Variants in STXBP4 observed in about 807,000 individuals in gnomAD.
STXBP4 encodes syntaxin-binding protein 4.
A neutral mutation model predicts 76.1 loss-of-function variants in STXBP4; 55 were observed. The observed-to-expected ratio is 0.72, with a 90% CI of 0.58 to 0.91. The LOEUF (loss-of-function observed/expected upper bound fraction) is 0.91, where lower values mean the gene tolerates loss of function less well. Ranked by LOEUF, STXBP4 falls within the 40% of genes least tolerant of loss-of-function variation. The probability of loss-of-function intolerance (pLI) is 0.00; values close to 1 mark genes in which losing one functional copy is unlikely to be tolerated. For synonymous variants in STXBP4, 201 were observed against 220.2 expected (o/e 0.91, Z 0.77); for missense variants, 618 against 636.9 (o/e 0.97, Z 0.32).
intron 16 of STXBP4, among the ~76,000 whole-genome samples, chr17:55,103,501 G>A (rs987799147): frequency 1.3e-5 from 2 of 151,090 alleles, no homozygotes; most frequent in Non-Finnish European, 2.9e-5. Context: ...ATCTCTTTTG[G>A]TACCAGTATT....
At chr17:55,062,153 A>G (rs192943403) in intron 12 of STXBP4, among the ~76,000 whole-genome samples, 25 of 152,010 alleles carry the variant, frequency 1.6e-4, no homozygotes, top group Non-Finnish European at 2.8e-4. Flanking sequence ...GGTTCGTTAC[A>G]TAGGTATACA....
chr17:55,030,782 T>C (rs1027507158), intron 8 of STXBP4: 1 of 161,894 alleles, frequency 6.2e-6, no homozygotes, highest in Non-Finnish European at 1.3e-5. Context: ...ACTTCAGTTC[T>C]GCTCTCAAAG....
chr17:55,125,878 A>G (rs1480014297), intron 16 of STXBP4, among the ~76,000 whole-genome samples: 3 of 152,344 alleles, frequency 2.0e-5, no homozygotes, highest in East Asian at 3.9e-4. Flanking sequence ...CTGGAAAGGC[A>G]GAGGGGAAAT....
intron 13 of STXBP4, among the ~76,000 whole-genome samples, chr17:55,074,767 C>A (rs1476140710): frequency 1.3e-5 from 2 of 151,904 alleles, no homozygotes; most frequent in African/African-American, 4.8e-5. Context: ...TTTCTCTTAA[C>A]AAGACTCTAA....
In STXBP4 at chr17:54,990,833, C is replaced by A. The variant is rs2144405352; in HGVS notation, c.56C>A (p.Ala19Asp). 6.2e-7 allele frequency: 1 copy of A among 1,601,640 alleles called. No homozygotes were observed. Among genetic ancestry groups the A allele is most frequent in the East Asian group, 2.3e-5 (1 of 44,358 alleles). Residue 19 changes from alanine (A) to aspartate (D), a missense_variant, in exon 4 of 18, where the codon GCC becomes GAC. Ala to Asp is a moderately radical substitution (Grantham distance 126). Transcript: ENST00000376352. ...AATTTACTTTATCTTAGGGATCCTGCCTTTCAGATGATTACAATTGCCAAG... is the reference window on the plus strand; with the variant it reads ...AATTTACTTTATCTTAGGGATCCTGACTTTCAGATGATTACAATTGCCAAG... ...VSPSLLEKDP[A>D]FQMITIAKET...
chr17:55,085,009 C>T (rs1181331717), intron 16 of STXBP4, among the ~76,000 whole-genome samples: 3 of 152,168 alleles, frequency 2.0e-5, no homozygotes, highest in East Asian at 1.9e-4. Flanking sequence ...CACATACACA[C>T]CATGGAATAC....
At chr17:55,031,699 G>A (rs1446236548) in intron 9 of STXBP4, among the ~76,000 whole-genome samples, 2 of 152,072 alleles carry the variant, frequency 1.3e-5, no homozygotes, top group East Asian at 1.9e-4. Context: ...ATTGTTTCCC[G>A]GACCCCTGCA....
chr17:55,154,259 A>G (rs2080251861), intron 17 of STXBP4, among the ~76,000 whole-genome samples: 1 of 152,220 alleles, frequency 6.6e-6, no homozygotes, highest in African/African-American at 2.4e-5. Context: ...AAAGATAAAC[A>G]TCAATTCTGT....
chr17:54,976,130 T>G (rs1373099188), intron 1 of STXBP4, among the ~76,000 whole-genome samples: 2 of 152,134 alleles, frequency 1.3e-5, no homozygotes, highest in Non-Finnish European at 2.9e-5. Context: ...AGTTAAAAAT[T>G]TGGTGGATGA....
chr17:55,150,388 C>T (rs190493784), intron 17 of STXBP4, among the ~76,000 whole-genome samples: 1 of 152,280 alleles, frequency 6.6e-6, no homozygotes, highest in East Asian at 1.9e-4. Flanking sequence ...TCTCTTCTTA[C>T]AAAGACACCA....
In STXBP4 at chr17:55,014,647, C is replaced by T. The variant is rs1206145868; in HGVS notation, c.666+7050C>T. 2.0e-5 allele frequency among the ~76,000 whole-genome samples: 3 copies of T among 152,068 alleles called. No homozygotes were observed. In the East Asian group the frequency reaches 5.8e-4, roughly 29 times the overall value. On this transcript the variant is annotated intron_variant, in intron 8 of 17. Coordinates refer to ENST00000376352, the MANE Select transcript of STXBP4 (RefSeq NM_178509.6). Reference sequence around the variant, plus strand: ...GCATGGGCTGGCACTTCCCTGGGCACCTTCAGTCCTGCTGCTGGATCCATC... The same window carrying T: ...GCATGGGCTGGCACTTCCCTGGGCATCTTCAGTCCTGCTGCTGGATCCATC...
chr17:55,207,284 C>T, the STXBP4 span, among the ~76,000 whole-genome samples: 2 of 152,304 alleles, frequency 1.3e-5, no homozygotes, highest in Middle Eastern at 6.8e-3. Flanking sequence ...AAATAGTCAC[C>T]TGTCACTACA....
chr17:55,043,716 C>T (rs887035447), intron 11 of STXBP4: 4 of 1,378,164 alleles, frequency 2.9e-6, no homozygotes, highest in African/African-American at 2.9e-5. Context: ...CAGGGCTATT[C>T]TTAAGGGACA....
At chr17:55,102,008 T>C (rs1032689516) in intron 16 of STXBP4, among the ~76,000 whole-genome samples, 1 of 152,236 alleles carries the variant, frequency 6.6e-6, no homozygotes, top group Non-Finnish European at 1.5e-5. Flanking sequence ...CCTTTATCTT[T>C]TTCTTCATTT....
intron 3 of STXBP4, among the ~76,000 whole-genome samples, chr17:54,987,477 C>G (rs1458478621): frequency 6.6e-6 from 1 of 152,040 alleles, no homozygotes; most frequent in African/African-American, 2.4e-5. Context: ...TCCTGGTGAT[C>G]CCTTCATATC....
chr17:55,080,116 T>G (rs2079237701), intron 15 of STXBP4, among the ~76,000 whole-genome samples: 1 of 152,146 alleles, frequency 6.6e-6, no homozygotes, highest in Non-Finnish European at 1.5e-5. Context: ...AATTCAAAAG[T>G]TTTGTTTTAA....
At chr17:55,185,329 C>CCTT in the STXBP4 span, among the ~76,000 whole-genome samples, 36 of 138,360 alleles carry the variant, frequency 2.6e-4, no homozygotes, top group African/African-American at 7.8e-4. Context: ...TTCTCCTTCT[C>CCTT]CTCCTCCTCC....
chr17:55,037,524 G>A (rs561794587), intron 10 of STXBP4, among the ~76,000 whole-genome samples: 4 of 152,184 alleles, frequency 2.6e-5, no homozygotes, highest in Admixed American at 6.6e-5. Flanking sequence ...GTGAGACTTT[G>A]ACAGCAAAAG....
the STXBP4 span, among the ~76,000 whole-genome samples, chr17:55,197,706 G>A: frequency 6.6e-6 from 1 of 151,272 alleles, no homozygotes; most frequent in Admixed American, 6.6e-5. Context: ...TTGCACCACT[G>A]CACTCTAGCC....
Sources: allele counts gnomAD v4.1 joint callset (sites outside exome capture counted in the v4.1 genomes callset), GRCh38; gene constraint gnomAD v4.1.1; transcripts MANE v1.5; gene names NCBI Gene and HGNC (gene_info 2026-07-23, HGNC 2026-07-21).